Variants in MDGA2 observed in about 807,000 individuals in gnomAD.
MDGA2 encodes MAM domain containing glycosylphosphatidylinositol anchor 2, also known as MAM domain-containing glycosylphosphatidylinositol anchor protein 2.
MDGA2 carries 40 observed loss-of-function variants against 117.8 expected under a neutral mutation model. The ratio of observed to expected loss-of-function variants is 0.34; its 90% CI spans 0.26 to 0.44. The LOEUF (loss-of-function observed/expected upper bound fraction) is 0.44. Among genes scored for constraint, MDGA2 ranks in the 20% least tolerant of loss-of-function variants. The probability of loss-of-function intolerance (pLI) is 1.00; values close to 1 mark genes in which losing one functional copy is unlikely to be tolerated. For synonymous variants in MDGA2, 452 were observed against 439.0 expected (o/e 1.03, Z -0.37); for missense variants, 1,123 against 1,250.6 (o/e 0.90, Z 1.54).
intron 7 of MDGA2, among the ~76,000 whole-genome samples, chr14:47,051,937 A>G (rs1290059762): frequency 6.6e-6 from 1 of 151,898 alleles, no homozygotes; most frequent in Non-Finnish European, 1.5e-5. Flanking sequence ...CTTCTCCTCT[A>G]ATAAAAAACT....
At chr14:47,274,623 C>T (rs934932585) in intron 2 of MDGA2, among the ~76,000 whole-genome samples, 4 of 152,012 alleles carry the variant, frequency 2.6e-5, no homozygotes, top group African/African-American at 9.7e-5. Flanking sequence ...CATATTGTAA[C>T]TATGTTTAGC....
At chr14:47,205,116 GTGTGTATATATATGTGCATA>G (rs1415121544) in intron 3 of MDGA2, among the ~76,000 whole-genome samples, 7 of 151,820 alleles carry the variant, frequency 4.6e-5, no homozygotes, top group Admixed American at 1.3e-4. Flanking sequence ...ATGTGTGTTT[GTGTGTATATATATGTGCATA>G]TGTGTATATA....
chr14:47,152,576 T>C (rs1883203377), intron 3 of MDGA2, among the ~76,000 whole-genome samples: 1 of 152,136 alleles, frequency 6.6e-6, no homozygotes, highest in Non-Finnish European at 1.5e-5. Flanking sequence ...ATCTAAAATG[T>C]TTATGTTCAT....
intron 3 of MDGA2, among the ~76,000 whole-genome samples, chr14:47,158,735 G>T (rs1053133202): frequency 6.6e-6 from 1 of 152,288 alleles, no homozygotes; most frequent in Non-Finnish European, 1.5e-5. Flanking sequence ...GATTACAGGC[G>T]TGAGCAACGC....
chr14:47,601,578 G>C (rs1452374273), intron 1 of MDGA2, among the ~76,000 whole-genome samples: 1 of 152,190 alleles, frequency 6.6e-6, no homozygotes, highest in African/African-American at 2.4e-5. Context: ...TTATTCAACA[G>C]TGAAATGAAA....
intron 2 of MDGA2, among the ~76,000 whole-genome samples, chr14:47,228,509 A>AT (rs1364036164): frequency 2.0e-5 from 3 of 152,156 alleles, no homozygotes; most frequent in African/African-American, 7.2e-5. Flanking sequence ...GTGTTAGATG[A>AT]TTTTGCCCAG....
At chr14:47,474,366 T>C (rs1893792024) in intron 1 of MDGA2, among the ~76,000 whole-genome samples, 1 of 152,152 alleles carries the variant, frequency 6.6e-6, no homozygotes, top group East Asian at 1.9e-4. Context: ...TCCATGTTCA[T>C]GGATAGGAAG....
At chr14:47,389,728 A>G (rs1177766947) in intron 1 of MDGA2, among the ~76,000 whole-genome samples, 1 of 152,098 alleles carries the variant, frequency 6.6e-6, no homozygotes, top group African/African-American at 2.4e-5. Flanking sequence ...CTTGGGCCTC[A>G]GGGTGAAAAA....
At chr14:47,581,789 T>A (rs553628703) in intron 1 of MDGA2, among the ~76,000 whole-genome samples, 1 of 152,056 alleles carries the variant, frequency 6.6e-6, no homozygotes, top group African/African-American at 2.4e-5. Context: ...AAGTAAATGT[T>A]TACCATTATA....
chr14:47,468,769 T>C (rs1893656621), intron 1 of MDGA2, among the ~76,000 whole-genome samples: 12 of 152,134 alleles, frequency 7.9e-5, no homozygotes, highest in Admixed American at 7.9e-4. Flanking sequence ...CTCTTTTGGA[T>C]ATAATGGATA....
At chr14:47,221,049 T>C (rs531553582) in intron 2 of MDGA2, among the ~76,000 whole-genome samples, 103 of 152,310 alleles carry the variant, frequency 6.8e-4, no homozygotes, top group African/African-American at 2.4e-3. Context: ...GGGCAGTTAA[T>C]AGATATTCAT....
intron 1 of MDGA2, among the ~76,000 whole-genome samples, chr14:47,521,147 G>A (rs1441406300): frequency 6.6e-6 from 1 of 152,138 alleles, no homozygotes; most frequent in Non-Finnish European, 1.5e-5. Context: ...CTTTTTAAGG[G>A]AAGACTTGCT....
chr14:46,882,015 T>C (rs778200262), intron 11 of MDGA2, 29 bp downstream of exon 11: 22 of 1,424,210 alleles, frequency 1.5e-5, no homozygotes, highest in African/African-American at 1.5e-5. Flanking sequence ...AATATATAAA[T>C]AAATAATTTT....
intron 2 of MDGA2, among the ~76,000 whole-genome samples, chr14:47,297,299 A>G (rs1889105880): frequency 1.3e-5 from 2 of 152,010 alleles, no homozygotes; most frequent in African/African-American, 4.8e-5. Context: ...GAGAAGAGAA[A>G]CATTTATGTT....
At chr14:47,241,178 T>A (rs894712762) in intron 2 of MDGA2, among the ~76,000 whole-genome samples, 1 of 151,814 alleles carries the variant, frequency 6.6e-6, no homozygotes, top group African/African-American at 2.4e-5. Flanking sequence ...TTAAAACAAG[T>A]GTAACTAATT....
intron 2 of MDGA2, among the ~76,000 whole-genome samples, chr14:47,271,471 C>T (rs1007779587): frequency 5.3e-5 from 8 of 152,126 alleles, no homozygotes; most frequent in Admixed American, 2.6e-4. Context: ...AATATTCACT[C>T]TGCAGCAGAG....
At chr14:46,982,783 T>C (rs1039758456) in intron 8 of MDGA2, among the ~76,000 whole-genome samples, 7 of 150,664 alleles carry the variant, frequency 4.6e-5, no homozygotes, top group Admixed American at 6.6e-5. Flanking sequence ...CTTTTCCTAA[T>C]TGAATACCCT....
chr14:46,870,416 A>C (rs1484166450), intron 14 of MDGA2, among the ~76,000 whole-genome samples: 1 of 152,022 alleles, frequency 6.6e-6, no homozygotes, highest in Non-Finnish European at 1.5e-5. Flanking sequence ...AGTGGCTATA[A>C]ATGCCTCCTG....
intron 2 of MDGA2, among the ~76,000 whole-genome samples, chr14:47,263,423 GA>G (rs1262795066): frequency 6.6e-6 from 1 of 152,138 alleles, no homozygotes; most frequent in East Asian, 1.9e-4. Context: ...GCTTCTCTTA[GA>G]AAATATGTGA....
Sources: allele counts gnomAD v4.1 joint callset (sites outside exome capture counted in the v4.1 genomes callset), GRCh38; gene constraint gnomAD v4.1.1; transcripts MANE v1.5; gene names NCBI Gene and HGNC (gene_info 2026-07-23, HGNC 2026-07-21).